Variants in PCDHGA5 observed in about 807,000 individuals in gnomAD.
PCDHGA5 encodes the protein protocadherin gamma-A5.
PCDHGA5 carries 36 observed loss-of-function variants against 56.7 expected under a neutral mutation model. That is an observed-to-expected ratio of 0.64 (90% CI 0.49 to 0.84). The LOEUF (loss-of-function observed/expected upper bound fraction) is 0.84. Ranked by LOEUF, PCDHGA5 falls within the 40% of genes least tolerant of loss-of-function variation. PCDHGA5 has a pLI of 0.00. For synonymous variants in PCDHGA5, 563 were observed against 520.2 expected (o/e 1.08, Z -1.12); for missense variants, 1,305 against 1,201.5 (o/e 1.09, Z -1.27).
Position 141,364,884 on chromosome 5 carries a change from G to C in PCDHGA5, c.554G>C (p.Gly185Ala). The change falls in exon 1 of 4, where the codon GGA becomes GCA. Residue 185 changes from glycine to alanine, a missense_variant. Physicochemically the swap from Gly to Ala is moderately conservative, Grantham distance 60 (BLOSUM62 0). Transcript: ENST00000518069. The part of the protein sequence containing the change: ...NLHFSLDVVS[G>A]TDGQKYPELV... Reference sequence around the variant, plus strand: ...CACTTCTCTCTGGATGTGGTAAGCGGAACTGATGGACAAAAGTATCCGGAG... The same window carrying C: ...CACTTCTCTCTGGATGTGGTAAGCGCAACTGATGGACAAAAGTATCCGGAG... 6.2e-7 allele frequency: 1 copy of C among 1,614,002 alleles called. No homozygotes were observed. The highest frequency in any genetic ancestry group is 8.5e-7 in the Non-Finnish European group (1 of 1,179,888).
At chr5:141,420,469 T>C in intron 1 of PCDHGA5, 1 of 724,306 alleles carries the variant, frequency 1.4e-6, no homozygotes. Flanking sequence ...AAAGACATTT[T>C]AAAGCAAACT....
At position 141,489,302 on chromosome 5, in the gene PCDHGA5, T is replaced by C. The variant is rs1258736404; in HGVS notation, c.2422-5505T>C. 2 of 1,586,886 alleles carry C rather than the reference T, an allele frequency of 1.3e-6. No homozygotes were observed. The highest frequency in any genetic ancestry group is 2.3e-5 in the South Asian group (2 of 85,378). ...TGGCAAGTGCTGTGCATGTTGTCCT[T>C]GTGCTGCTGGGGCTGGGTGTCTGGG... On this transcript the variant is annotated intron_variant, in intron 1 of 3. Transcript: ENST00000518069. The surrounding 1 kb of genome is among the most constrained non-coding windows in gnomAD (Gnocchi z 4.5).
intron 1 of PCDHGA5, among the ~76,000 whole-genome samples, chr5:141,456,499 A>C (rs1283501704): frequency 6.6e-6 from 1 of 152,210 alleles, no homozygotes; most frequent in Non-Finnish European, 1.5e-5. Flanking sequence ...AAAGGGGTTA[A>C]CCAATTCCAT....
rs1419377760 is a variant in PCDHGA5 at position 141,418,687 on chromosome 5, GATCACTT to G, written c.2421+51939_2421+51945del. ...ACCAGGACGAGGGCATCAACTCAGA[GATCACTT>G]ATTCCTTCTTTGGTGTGGCTGACAA... On this transcript the variant is annotated intron_variant, in intron 1 of 3. Transcript: ENST00000518069. 6 of 1,613,928 alleles carry G rather than the reference GATCACTT, an allele frequency of 3.7e-6. No individual in the cohort carries two copies. In the African/African-American group the frequency reaches 8.0e-5, roughly 22 times the overall value.
intron 1 of PCDHGA5, chr5:141,374,678 A>C (rs753625335): frequency 1.2e-6 from 2 of 1,610,496 alleles, no homozygotes; most frequent in Admixed American, 1.7e-5. Flanking sequence ...GCTGGAGGGC[A>C]CACTGGACCG....
intron 1 of PCDHGA5, chr5:141,422,014 C>T (rs1472942387): frequency 1.9e-6 from 3 of 1,610,040 alleles, no homozygotes; most frequent in African/African-American, 1.3e-5. Flanking sequence ...AACTCGGGTG[C>T]TGATGGTTAA....
At chr5:141,403,978 C>T (rs965753943) in intron 1 of PCDHGA5, 2 of 1,613,714 alleles carry the variant, frequency 1.2e-6, no homozygotes, top group African/African-American at 2.7e-5. Context: ...ATGTAAATGA[C>T]AATAGACCTG....
chr5:141,438,721 G>A (rs886300746), intron 1 of PCDHGA5, among the ~76,000 whole-genome samples: 30 of 148,304 alleles, frequency 2.0e-4, no homozygotes, highest in Non-Finnish European at 7.4e-5. Flanking sequence ...AGTGCAAGTG[G>A]TGTGATCTCA....
chr5:141,430,577 C>A, intron 1 of PCDHGA5: 1 of 464,652 alleles, frequency 2.2e-6, no homozygotes. Context: ...AAGCGGAGAT[C>A]CTGCTCGCCT....
chr5:141,393,947 G>C, intron 1 of PCDHGA5: 1 of 1,613,972 alleles, frequency 6.2e-7, no homozygotes, highest in South Asian at 1.1e-5. Context: ...ACTCTGGAAA[G>C]AATGGTCAAG....
chr5:141,403,256 T>G, intron 1 of PCDHGA5: 3 of 1,613,854 alleles, frequency 1.9e-6, no homozygotes, highest in Non-Finnish European at 2.5e-6. Flanking sequence ...GAGCCCGCGG[T>G]GTCTGGTGAA....
rs757410882 is a variant in PCDHGA5 at position 141,421,504 on chromosome 5, C to T, written c.2421+54753C>T. 8 of 1,614,062 alleles carry T rather than the reference C, an allele frequency of 5.0e-6. No homozygotes were observed. The highest frequency in any genetic ancestry group is 3.3e-5 in the South Asian group (3 of 91,088). ...CTTGATCACGGCAGGCAGGATAGACCGGGAGGAGCTCTGTGAGACGGTGTC... is the reference window on the plus strand; with the variant it reads ...CTTGATCACGGCAGGCAGGATAGACTGGGAGGAGCTCTGTGAGACGGTGTC... On this transcript the variant is annotated intron_variant, in intron 1 of 3. Transcript: ENST00000518069.
In PCDHGA5 at chr5:141,372,187, C is replaced by T. The variant is rs368451043; in HGVS notation, c.2421+5436C>T. ...AAGGTGGTGGCGGTGGACGCAGACT[C>T]GGGATACAACGCCTGGCTGTCCTAC... On this transcript the variant is annotated intron_variant, in intron 1 of 3. Coordinates refer to ENST00000518069, the MANE Select transcript of PCDHGA5 (RefSeq NM_018918.3). 5 of 1,613,508 alleles carry T rather than the reference C, an allele frequency of 3.1e-6. No homozygotes were observed. The highest frequency in any genetic ancestry group is 4.2e-6 in the Non-Finnish European group (5 of 1,179,930).
intron 1 of PCDHGA5, chr5:141,404,714 G>A: frequency 3.1e-6 from 5 of 1,614,068 alleles, no homozygotes; most frequent in Non-Finnish European, 4.2e-6. Flanking sequence ...TGGCTACCTG[G>A]TGACCAAGGT....
At chr5:141,465,714 C>T (rs1015102102) in intron 1 of PCDHGA5, among the ~76,000 whole-genome samples, 4 of 152,200 alleles carry the variant, frequency 2.6e-5, no homozygotes, top group Non-Finnish European at 5.9e-5. Context: ...AATGCCACCA[C>T]TTCCACCTCT....
intron 1 of PCDHGA5, among the ~76,000 whole-genome samples, chr5:141,407,497 G>GTTTTTTTTTTTTTT (rs1554102286): frequency 6.6e-6 from 1 of 152,090 alleles, no homozygotes; most frequent in African/African-American, 2.4e-5. Context: ...CTTTATTTCT[G>GTTTTTTTTTTTTTT]TTTTTCTTAG....
At chr5:141,460,985 A>G (rs553462661) in intron 1 of PCDHGA5, among the ~76,000 whole-genome samples, 245 of 91,804 alleles carry the variant, frequency 2.7e-3, no homozygotes, top group Middle Eastern at 5.0e-3. Context: ...GTGTGTGTGT[A>G]TATATATATA....
At chr5:141,394,158 C>T in intron 1 of PCDHGA5, 1 of 1,613,844 alleles carries the variant, frequency 6.2e-7, no homozygotes, top group East Asian at 2.2e-5. Flanking sequence ...TAACGACAAC[C>T]CTCCTACTTT....
In PCDHGA5 at chr5:141,477,250, C is replaced by G; in HGVS notation, c.2422-17557C>G. 6.2e-7 allele frequency: 1 copy of G among 1,614,190 alleles called. No homozygotes were observed. The highest frequency in any genetic ancestry group is 8.5e-7 in the Non-Finnish European group (1 of 1,180,040). On this transcript the variant is annotated intron_variant, in intron 1 of 3. Coordinates refer to ENST00000518069, the MANE Select transcript of PCDHGA5 (RefSeq NM_018918.3). The surrounding 1 kb of genome is among the most constrained non-coding windows in gnomAD (Gnocchi z 4.9). ...TCATCGCTTTGCTCAGTGTGACTGA[C>G]CTGGATGCTGGCGAGAACGGGCTGG...
Sources: allele counts gnomAD v4.1 joint callset (sites outside exome capture counted in the v4.1 genomes callset), GRCh38; gene constraint gnomAD v4.1.1; non-coding constraint Gnocchi (gnomAD v3.1); transcripts MANE v1.5; gene names NCBI Gene and HGNC (gene_info 2026-07-23, HGNC 2026-07-21).